Variants in PTPRN2 observed in about 807,000 individuals in gnomAD.
PTPRN2 encodes the protein receptor-type tyrosine-protein phosphatase N2.
A neutral mutation model predicts 118.8 loss-of-function variants in PTPRN2; 74 were observed. The observed-to-expected ratio is 0.62, with a 90% CI of 0.52 to 0.76. The LOEUF (loss-of-function observed/expected upper bound fraction) is 0.76. Ranked by LOEUF, PTPRN2 falls within the 30% of genes least tolerant of loss-of-function variation. The pLI is 0.00. For missense variants in PTPRN2, 1,481 were observed against 1,394.4 expected (o/e 1.06, Z -0.99); for synonymous variants, 641 against 608.0 (o/e 1.05, Z -0.80).
chr7:158,432,453 G>C (rs904740366), intron 2 of PTPRN2, among the ~76,000 whole-genome samples: 1 of 152,202 alleles, frequency 6.6e-6, no homozygotes, highest in Non-Finnish European at 1.5e-5. Flanking sequence ...CAGTGTTCAG[G>C]AGGGGGAGGG....
At chr7:158,080,929 C>A (rs924153731) in intron 11 of PTPRN2, among the ~76,000 whole-genome samples, 3 of 152,178 alleles carry the variant, frequency 2.0e-5, no homozygotes, top group Non-Finnish European at 4.4e-5. Context: ...ATTGCACGTG[C>A]TCTGCACACA....
intron 1 of PTPRN2, among the ~76,000 whole-genome samples, chr7:158,586,489 T>C (rs1828931890): frequency 6.6e-6 from 1 of 152,168 alleles, no homozygotes; most frequent in African/African-American, 2.4e-5. Flanking sequence ...CTGCACCCCG[T>C]GGACACCGAT....
chr7:158,549,747 C>T (rs1826526752), intron 1 of PTPRN2, among the ~76,000 whole-genome samples: 1 of 152,244 alleles, frequency 6.6e-6, no homozygotes, highest in Non-Finnish European at 1.5e-5. Flanking sequence ...CGGAAAACCC[C>T]GTGAGAACAC....
At chr7:158,098,401 G>A (rs1474615893) in intron 10 of PTPRN2, among the ~76,000 whole-genome samples, 1 of 152,120 alleles carries the variant, frequency 6.6e-6, no homozygotes, top group Non-Finnish European at 1.5e-5. Context: ...GGAAAGAGGG[G>A]GCCGCCAGTG....
In PTPRN2 at chr7:158,332,669, A is replaced by G. The variant is rs1804730781; in HGVS notation, c.164-15737T>C. On this transcript the variant is annotated intron_variant, in intron 2 of 22. Transcript: ENST00000389418. ...ATAAGAGCTGATGCCTGCAGACATC[A>G]CTCACACCCACACTCTAACCATAAG... Among the ~76,000 whole-genome samples the G allele has an allele frequency of 2.0e-5, 3 of 147,346 alleles. No individual in the cohort carries two copies. The East Asian group carries it at 6.0e-4, about 30-fold the overall frequency.
Position 157,937,601 on chromosome 7 carries a change from G to A in PTPRN2, c.1724-38864C>T, listed in dbSNP as rs141442836. Among the ~76,000 whole-genome samples the A allele has an allele frequency of 3.1e-3, 469 of 152,306 alleles. 12 individuals carry two copies. In the South Asian group the frequency reaches 0.043, roughly 14 times the overall value. On this transcript the variant is annotated intron_variant, in intron 11 of 22. Transcript: ENST00000389418. ...CCACCTTTCCCACCCAGGAGAAGCC[G>A]CTTAAAAAGCCAGGCAGGGGCTCTT...
chr7:158,515,133 C>T (rs550629423), intron 1 of PTPRN2, among the ~76,000 whole-genome samples: 6 of 151,688 alleles, frequency 4.0e-5, no homozygotes, highest in Admixed American at 3.3e-4. Context: ...GGGGCAGCCC[C>T]GGGCACACAA....
intron 1 of PTPRN2, among the ~76,000 whole-genome samples, chr7:158,498,099 C>T (rs766615661): frequency 6.6e-6 from 1 of 152,242 alleles, no homozygotes; most frequent in Admixed American, 6.5e-5. Flanking sequence ...AGGTCCTCCT[C>T]ACGTCTTTGG....
intron 6 of PTPRN2, among the ~76,000 whole-genome samples, chr7:158,158,389 G>A (rs910722735): frequency 1.3e-5 from 2 of 152,256 alleles, no homozygotes; most frequent in Non-Finnish European, 2.9e-5. Context: ...AAGGAAGTGG[G>A]CACCCCACCA....
chr7:158,258,123 G>C (rs954808560), intron 3 of PTPRN2, among the ~76,000 whole-genome samples: 29 of 152,316 alleles, frequency 1.9e-4, no homozygotes, highest in African/African-American at 7.0e-4. Context: ...CTCCAAGCGG[G>C]CACGTAAGAA....
At chr7:157,875,629 TG>T (rs1332430562) in intron 12 of PTPRN2, among the ~76,000 whole-genome samples, 22 of 152,334 alleles carry the variant, frequency 1.4e-4, no homozygotes, top group Non-Finnish European at 2.8e-4. Flanking sequence ...GGCCATGGCC[TG>T]TGCAGGAGGC....
At chr7:157,738,913 A>G (rs1328855656) in intron 12 of PTPRN2, 1 of 152,234 alleles carries the variant, frequency 6.6e-6, no homozygotes, top group Non-Finnish European at 1.5e-5. Flanking sequence ...GATGGAAAAG[A>G]GTCAGGAGAG....
intron 2 of PTPRN2, among the ~76,000 whole-genome samples, chr7:158,333,749 A>G (rs1440041868): frequency 6.7e-6 from 1 of 149,556 alleles, no homozygotes; most frequent in Non-Finnish European, 1.5e-5. Context: ...TACTCTCACC[A>G]TAAGAGCTGA....
intron 6 of PTPRN2, among the ~76,000 whole-genome samples, chr7:158,141,293 T>A (rs981843473): frequency 6.6e-6 from 1 of 152,248 alleles, no homozygotes; most frequent in African/African-American, 2.4e-5. Flanking sequence ...GGCTGCAGCC[T>A]GCAGTGTCTG....
chr7:157,982,064 AG>A (rs1803223755), intron 11 of PTPRN2, among the ~76,000 whole-genome samples: 2 of 146,596 alleles, frequency 1.4e-5, no homozygotes, highest in South Asian at 2.2e-4. Context: ...AGAGATGAGG[AG>A]GGGAATGCAG....
intron 11 of PTPRN2, among the ~76,000 whole-genome samples, chr7:157,982,300 C>A (rs1361324322): frequency 2.2e-5 from 1 of 46,000 alleles, no homozygotes; most frequent in Non-Finnish European, 4.8e-5. Flanking sequence ...GCAGGGTCCC[C>A]CCAAACCCTG....
chr7:158,348,495 C>A (rs10243176), intron 2 of PTPRN2, among the ~76,000 whole-genome samples: 4 of 100,290 alleles, frequency 4.0e-5, no homozygotes, highest in Non-Finnish European at 6.5e-5. Flanking sequence ...CCCTGGGGTC[C>A]CCATTCACAG....
chr7:158,227,998 G>GCTTT (rs1357224577), intron 3 of PTPRN2, among the ~76,000 whole-genome samples: 1 of 151,328 alleles, frequency 6.6e-6, no homozygotes, highest in Non-Finnish European at 1.5e-5. Flanking sequence ...AGTAGTTAAG[G>GCTTT]CTTTACATGT....
At chr7:158,328,300 G>A (rs1053399962) in intron 2 of PTPRN2, among the ~76,000 whole-genome samples, 13 of 152,360 alleles carry the variant, frequency 8.5e-5, no homozygotes, top group South Asian at 2.1e-4. Context: ...TTAAGGAGCC[G>A]TTGGATCCGT....
Sources: gnomAD v4.1 joint callset for allele counts (sites outside exome capture counted in the v4.1 genomes callset) on GRCh38, gnomAD v4.1.1 for gene constraint, MANE v1.5 for transcripts, NCBI Gene and HGNC (gene_info 2026-07-23, HGNC 2026-07-21) for gene names.